LHFPL2: variants seen among roughly 807,000 people sequenced by gnomAD.
LHFPL2 encodes LHFPL tetraspan subfamily member 2 protein.
LHFPL2 carries 7 observed loss-of-function variants against 17.5 expected under a neutral mutation model. The observed-to-expected ratio is 0.40, with a 90% confidence interval of 0.23 to 0.75. LHFPL2 has a LOEUF of 0.75. LHFPL2 is among the 30% of genes least tolerant of loss of function. The pLI, the probability that LHFPL2 is intolerant of heterozygous loss-of-function variation, is 0.37. For synonymous variants in LHFPL2, 134 were observed against 116.2 expected (o/e 1.15, Z -0.99); for missense variants, 241 against 294.8 (o/e 0.82, Z 1.34).
intron 2 of LHFPL2, among the ~76,000 whole-genome samples, chr5:78,587,520 C>T (rs1743458349): frequency 6.6e-6 from 1 of 152,216 alleles, no homozygotes; most frequent in Non-Finnish European, 1.5e-5. Flanking sequence ...ACTCTATGCC[C>T]ACATGTAAGC....
intron 4 of LHFPL2, among the ~76,000 whole-genome samples, chr5:78,504,998 T>C (rs1408300761): frequency 6.6e-6 from 1 of 152,224 alleles, no homozygotes; most frequent in Non-Finnish European, 1.5e-5. Flanking sequence ...CTCATGCTTA[T>C]GGCAGTCCCT....
intron 4 of LHFPL2, among the ~76,000 whole-genome samples, chr5:78,501,631 A>T (rs748482287): frequency 6.6e-6 from 1 of 152,150 alleles, no homozygotes; most frequent in Non-Finnish European, 1.5e-5. Context: ...CTATTCACAG[A>T]CGTGATCATA....
At chr5:78,611,088 C>A (rs1013058247) in intron 2 of LHFPL2, among the ~76,000 whole-genome samples, 4 of 152,184 alleles carry the variant, frequency 2.6e-5, no homozygotes, top group South Asian at 2.1e-4. Flanking sequence ...GGTATAAATT[C>A]TTCTTCTAAG....
In LHFPL2 at chr5:78,489,329, T is replaced by C. The variant is rs1754361055; in HGVS notation, c.431-176A>G. On this transcript the variant is annotated intron_variant, in intron 4 of 4. Transcript: ENST00000380345. ...GACCTGATCAAGAAGTATCACATTATTAGAAATATTTTCAGCCACTTTTTT... is the reference window on the plus strand; with the variant it reads ...GACCTGATCAAGAAGTATCACATTACTAGAAATATTTTCAGCCACTTTTTT... Among the ~76,000 whole-genome samples, 3 of 152,240 alleles carry C rather than the reference T, an allele frequency of 2.0e-5. 1 individual carries two copies. In the South Asian group the frequency reaches 6.2e-4, roughly 32 times the overall value.
intron 1 of LHFPL2, among the ~76,000 whole-genome samples, chr5:78,637,680 G>A (rs1337124102): frequency 1.3e-5 from 2 of 152,208 alleles, no homozygotes; most frequent in African/African-American, 4.8e-5. Flanking sequence ...TCTCTTTCAT[G>A]CTCCAGTTTA....
chr5:78,493,988 T>C (rs1331696413), intron 4 of LHFPL2, among the ~76,000 whole-genome samples: 1 of 152,064 alleles, frequency 6.6e-6, no homozygotes, highest in Non-Finnish European at 1.5e-5. Context: ...AAAGGATGCT[T>C]TGGACTGGGT....
intron 2 of LHFPL2, among the ~76,000 whole-genome samples, chr5:78,567,526 TG>T (rs1399052187): frequency 6.6e-6 from 1 of 152,226 alleles, no homozygotes; most frequent in East Asian, 1.9e-4. Flanking sequence ...TCTTGGCATC[TG>T]TTTTTTAGAA....
chr5:78,521,448 T>G (rs970174529), intron 3 of LHFPL2, among the ~76,000 whole-genome samples: 1 of 152,278 alleles, frequency 6.6e-6, no homozygotes, highest in African/African-American at 2.4e-5. Context: ...GTCTGGTGAT[T>G]AAGCTACTGA....
chr5:78,640,356 T>C (rs1745623041), intron 1 of LHFPL2, among the ~76,000 whole-genome samples: 1 of 152,144 alleles, frequency 6.6e-6, no homozygotes, highest in African/African-American at 2.4e-5. Flanking sequence ...AGGGGTGGGG[T>C]CTTCCCTATC....
At chr5:78,578,931 G>C (rs563383234) in intron 2 of LHFPL2, among the ~76,000 whole-genome samples, 1 of 152,320 alleles carries the variant, frequency 6.6e-6, no homozygotes, top group South Asian at 2.1e-4. Flanking sequence ...CGCCAACCAA[G>C]TCTTGCTCCC....
chr5:78,501,891 T>C (rs1315195605), intron 4 of LHFPL2, among the ~76,000 whole-genome samples: 2 of 152,194 alleles, frequency 1.3e-5, no homozygotes, highest in Non-Finnish European at 1.5e-5. Context: ...AGCAGGTATC[T>C]ACATGTTATT....
At chr5:78,510,767 G>A (rs67068840) in intron 3 of LHFPL2, among the ~76,000 whole-genome samples, 18,924 of 152,248 alleles carry the variant, frequency 0.12, 1,478 homozygotes, top group African/African-American at 0.2. Flanking sequence ...ATCCAGAGAG[G>A]AGGAGGCAAG....
In LHFPL2 at chr5:78,510,300, C is replaced by T; in HGVS notation, c.-87G>A. On this transcript the variant is annotated 5_prime_UTR_variant, in exon 4 of 5. Transcript: ENST00000380345. The stretch of plus-strand genomic sequence containing the variant: ...GGTGGGGAAGGAGGCTCGGGCGGCC[C>T]GGGAAGGAAGTCGCAGCTGCAGTCA... 3 of 1,334,328 alleles carry T rather than the reference C, an allele frequency of 2.2e-6. No homozygotes were observed. Among genetic ancestry groups the T allele is most frequent in the East Asian group, 2.5e-5 (1 of 39,926 alleles). 82.7% of individuals were successfully genotyped at this position (1,334,328 alleles called of 1,614,324 possible). A position where few individuals can be genotyped will look rare whatever the true frequency, so the allele number is the denominator to read the frequency against.
At chr5:78,491,910 A>T (rs754387254) in intron 4 of LHFPL2, among the ~76,000 whole-genome samples, 2 of 152,234 alleles carry the variant, frequency 1.3e-5, no homozygotes, top group Non-Finnish European at 2.9e-5. Context: ...CCCAGGCTAC[A>T]TTCAGTACTC....
chr5:78,489,199 A>C, intron 4 of LHFPL2, 46 bp from the exon 5 acceptor site: 1 of 1,605,636 alleles, frequency 6.2e-7, no homozygotes, highest in Non-Finnish European at 8.5e-7. Context: ...CCATGGTGCT[A>C]CAACTGTCCA....
intron 2 of LHFPL2, among the ~76,000 whole-genome samples, chr5:78,629,826 A>G (rs1561372915): frequency 6.6e-6 from 1 of 152,224 alleles, no homozygotes. Flanking sequence ...CTTTGGATCA[A>G]GGCCAATCTA....
chr5:78,519,221 T>C (rs1356163365), intron 3 of LHFPL2, among the ~76,000 whole-genome samples: 1 of 152,028 alleles, frequency 6.6e-6, no homozygotes, highest in African/African-American at 2.4e-5. Flanking sequence ...AGACTGGATT[T>C]TGGTTAGGTG....
At chr5:78,593,382 G>C (rs1443005683) in intron 2 of LHFPL2, among the ~76,000 whole-genome samples, 1 of 152,100 alleles carries the variant, frequency 6.6e-6, no homozygotes, top group Non-Finnish European at 1.5e-5. Flanking sequence ...TCCACCTCTT[G>C]TTTTCGATTG....
chr5:78,591,945 G>A (rs905462364), intron 2 of LHFPL2, among the ~76,000 whole-genome samples: 1 of 152,240 alleles, frequency 6.6e-6, no homozygotes, highest in African/African-American at 2.4e-5. Context: ...GTGGTTGACA[G>A]GTCTGAGAAC....
Sources: allele counts gnomAD v4.1 joint callset (sites outside exome capture counted in the v4.1 genomes callset), GRCh38; gene constraint gnomAD v4.1.1; transcripts MANE v1.5; gene names NCBI Gene and HGNC (gene_info 2026-07-23, HGNC 2026-07-21).